The following YIPF4 variants were observed in gnomAD, a reference collection of about 807,000 sequenced individuals.
The protein encoded by YIPF4 is Yip1 domain family member 4.
In YIPF4, 18 loss-of-function variants were observed where a neutral mutation model predicts 29.4. That is an observed-to-expected ratio of 0.61 (90% CI 0.42 to 0.91). YIPF4 has a LOEUF of 0.91. YIPF4 is among the 40% of genes least tolerant of loss of function. The probability of loss-of-function intolerance (pLI) is 0.00; values close to 1 mark genes in which losing one functional copy is unlikely to be tolerated. For missense variants in YIPF4, 279 were observed against 282.7 expected, an observed-to-expected ratio of 0.99 and a Z score of 0.09; for synonymous variants, 115 against 104.7, an observed-to-expected ratio of 1.10 and a Z score of -0.60.
intron 5 of YIPF4, among the ~76,000 whole-genome samples, chr2:32,304,465 C>T (rs2031510644): frequency 6.6e-6 from 1 of 151,602 alleles, no homozygotes; most frequent in African/African-American, 2.4e-5. Flanking sequence ...TGGACCAGAC[C>T]AAATACATTT....
intron 5 of YIPF4, among the ~76,000 whole-genome samples, chr2:32,304,430 A>G (rs1475882250): frequency 2.0e-5 from 3 of 149,224 alleles, no homozygotes; most frequent in Non-Finnish European, 4.5e-5. Context: ...TTTTTTTTTT[A>G]AGTTCAACAA....
intron 1 of YIPF4, among the ~76,000 whole-genome samples, chr2:32,280,681 C>T (rs959087547): frequency 2.0e-5 from 3 of 152,110 alleles, no homozygotes; most frequent in Non-Finnish European, 1.5e-5. Context: ...CGCGCCCGGC[C>T]TAATTTTTGA....
chr2:32,301,617 G>A, intron 5 of YIPF4, 122 bp downstream of exon 5: 1 of 596,902 alleles, frequency 1.7e-6, no homozygotes, highest in East Asian at 3.1e-5. Flanking sequence ...TATTTTGGAA[G>A]TGACCTTCCT....
rs2031760677 is a variant in YIPF4 at position 32,313,485 on chromosome 2, A to C, written c.*7859A>C. The C allele has an allele frequency of 6.6e-6, 1 of 151,922 alleles. No individual in the cohort carries two copies. Among genetic ancestry groups the C allele is most frequent in the Non-Finnish European group, 1.5e-5 (1 of 68,040 alleles). The allele number at this position is 151,922 out of a possible 1,614,324, so 9.4% of individuals were successfully genotyped here. On this transcript the variant is annotated 3_prime_UTR_variant, in exon 6 of 6. Coordinates refer to ENST00000238831, the MANE Select transcript of YIPF4 (RefSeq NM_032312.4). ...CAGGTTCAAGTGATTCTCCTGCCTC[A>C]GCCTCCCAAGTAGCTGGGATTACAG... is the stretch of plus-strand genomic sequence containing the variant.
chr2:32,289,665 G>T lies in YIPF4; in HGVS notation c.80-818G>T, dbSNP rs754987525. On this transcript the variant is annotated intron_variant, in intron 1 of 5. Transcript: ENST00000238831. ...CTTAACTATTTCCATTTTTTAACTA[G>T]CAAAGATGGCATTAGTACTACCATG... 3.6e-4 allele frequency among the ~76,000 whole-genome samples: 54 copies of T among 152,004 alleles called. 1 individual carries two copies. Among genetic ancestry groups the T allele is most frequent in the African/African-American group, 1.3e-3 (52 of 41,400 alleles).
At chr2:32,288,758 C>T (rs987421152) in intron 1 of YIPF4, among the ~76,000 whole-genome samples, 2 of 151,910 alleles carry the variant, frequency 1.3e-5, no homozygotes, top group African/African-American at 2.4e-5. Flanking sequence ...TGCAGTGAGC[C>T]GAGATTGCCC....
chr2:32,289,983 ATATG>A (rs1380027148), intron 1 of YIPF4, among the ~76,000 whole-genome samples: 1 of 152,208 alleles, frequency 6.6e-6, no homozygotes, highest in African/African-American at 2.4e-5. Context: ...ATGAAAGAAT[ATATG>A]AATAAATAAA....
chr2:32,288,144 C>T (rs1052847826), intron 1 of YIPF4, among the ~76,000 whole-genome samples: 3 of 152,112 alleles, frequency 2.0e-5, no homozygotes. Context: ...TTCTCACTGA[C>T]AGTTATGTCT....
intron 3 of YIPF4, among the ~76,000 whole-genome samples, chr2:32,294,893 C>G (rs1455731401): frequency 6.6e-6 from 1 of 152,218 alleles, no homozygotes; most frequent in Non-Finnish European, 1.5e-5. Context: ...AGCGAAACCC[C>G]GTCTCCACCA....
rs555143740 is a variant in YIPF4 at position 32,305,266 on chromosome 2, T to C, written c.598-223T>C. On this transcript the variant is annotated intron_variant, in intron 5 of 5. Coordinates refer to ENST00000238831, the MANE Select transcript of YIPF4 (RefSeq NM_032312.4). ...TAATAGGCACCCCAAGTGATTCTTA[T>C]GATTAGACTGGTTTGATAAGACCAC... is the stretch of plus-strand genomic sequence containing the variant. Among the ~76,000 whole-genome samples, 5 of 152,316 alleles carry C rather than the reference T, an allele frequency of 3.3e-5. No individual in the cohort carries two copies. The South Asian group carries it at 8.3e-4, about 25-fold the overall frequency.
chr2:32,286,427 T>C (rs1183418169), intron 1 of YIPF4, among the ~76,000 whole-genome samples: 1 of 152,212 alleles, frequency 6.6e-6, no homozygotes, highest in African/African-American at 2.4e-5. Flanking sequence ...TTACAGAATT[T>C]AATTATTTAC....
intron 1 of YIPF4, among the ~76,000 whole-genome samples, chr2:32,278,666 G>GT (rs911063694): frequency 2.0e-5 from 3 of 152,146 alleles, no homozygotes; most frequent in Non-Finnish European, 4.4e-5. Context: ...TTTTGGGGGG[G>GT]GTCTGGGATC....
At position 32,307,173 on chromosome 2, in the gene YIPF4, C is replaced by G; in HGVS notation, c.*1547C>G. 1 of 1,277,546 alleles carries G rather than the reference C, an allele frequency of 7.8e-7. No individual in the cohort carries two copies. Among genetic ancestry groups the G allele is most frequent in the Non-Finnish European group, 1.0e-6 (1 of 976,560 alleles). 79.1% of individuals were successfully genotyped at this position (1,277,546 alleles called of 1,614,324 possible). A position where few individuals can be genotyped will look rare whatever the true frequency, so the allele number is the denominator to read the frequency against. ...ATGAAGTAATCAGGAAATATCTATG[C>G]CTACAGAAGCAGCAACCGTAAGATA... On this transcript the variant is annotated 3_prime_UTR_variant, in exon 6 of 6. Coordinates refer to ENST00000238831, the MANE Select transcript of YIPF4 (RefSeq NM_032312.4).
rs142911766 is a variant in YIPF4, at chr2:32,309,629, A to G, written c.*4003A>G. On this transcript the variant is annotated 3_prime_UTR_variant, in exon 6 of 6. Transcript: ENST00000238831. ...ACTAGTTGAATACTTCTAAATATTCATTTTTGTTAGTGCACATTTTATCCA... is the reference window on the plus strand; with the variant it reads ...ACTAGTTGAATACTTCTAAATATTCGTTTTTGTTAGTGCACATTTTATCCA... 147 of 148,880 alleles carry G rather than the reference A, an allele frequency of 9.9e-4. No homozygotes were observed. The highest frequency in any genetic ancestry group is 3.2e-3 in the African/African-American group (127 of 40,088). 9.2% of individuals were successfully genotyped at this position (148,880 alleles called of 1,614,324 possible).
chr2:32,278,361 C>G (rs1033192109), intron 1 of YIPF4, 127 bp downstream of exon 1: 3 of 886,604 alleles, frequency 3.4e-6, no homozygotes, highest in Non-Finnish European at 3.3e-6. Flanking sequence ...GTGACTGCAG[C>G]CCACCACGCC....
At chr2:32,280,748 A>C (rs973501090) in intron 1 of YIPF4, among the ~76,000 whole-genome samples, 1 of 152,050 alleles carries the variant, frequency 6.6e-6, no homozygotes, top group Non-Finnish European at 1.5e-5. Flanking sequence ...TGGCCTCCCA[A>C]ATTGCTGGGA....
intron 5 of YIPF4, among the ~76,000 whole-genome samples, chr2:32,304,091 G>C (rs2031495579): frequency 6.6e-6 from 1 of 152,094 alleles, no homozygotes; most frequent in African/African-American, 2.4e-5. Flanking sequence ...GAGTAAAATT[G>C]TTTTTAAACT....
chr2:32,278,919 C>A (rs1418658082), intron 1 of YIPF4, among the ~76,000 whole-genome samples: 1 of 152,142 alleles, frequency 6.6e-6, no homozygotes, highest in Non-Finnish European at 1.5e-5. Flanking sequence ...GAATGTTTCC[C>A]TCCTATTCTC....
chr2:32,286,946 T>C lies in YIPF4; in HGVS notation c.80-3537T>C, dbSNP rs1311150685. Among the ~76,000 whole-genome samples, 3 of 152,288 alleles carry C rather than the reference T, an allele frequency of 2.0e-5. No homozygotes were observed. In the East Asian group the frequency reaches 5.8e-4, roughly 29 times the overall value. On this transcript the variant is annotated intron_variant, in intron 1 of 5. Coordinates refer to ENST00000238831, the MANE Select transcript of YIPF4 (RefSeq NM_032312.4). ...TCTCTTTCATAGGCCTATGTATACATTAAAATGGTATCCTTAGGCCAGGCA... is the reference window on the plus strand; with the variant it reads ...TCTCTTTCATAGGCCTATGTATACACTAAAATGGTATCCTTAGGCCAGGCA...
Sources: allele counts gnomAD v4.1 joint callset (sites outside exome capture counted in the v4.1 genomes callset), GRCh38; gene constraint gnomAD v4.1.1; transcripts MANE v1.5; gene names NCBI Gene and HGNC (gene_info 2026-07-23, HGNC 2026-07-21).